XPO6: variants seen among roughly 807,000 people sequenced by gnomAD.
XPO6 encodes the protein exportin-6.
Under a neutral mutation model 130.0 loss-of-function variants are expected in XPO6, and 3 were observed. The observed-to-expected ratio is 0.02, with a 90% CI of 0.01 to 0.06. The LOEUF is 0.06. Among genes scored for constraint, XPO6 ranks in the 10% least tolerant of loss-of-function variants. The probability of loss-of-function intolerance (pLI) is 1.00; values close to 1 mark genes in which losing one functional copy is unlikely to be tolerated. For missense variants in XPO6, 970 were observed against 1,393.0 expected (o/e 0.70, Z 4.83); for synonymous variants, 524 against 548.9 (o/e 0.95, Z 0.63).
At chr16:28,117,136 G>T (rs1334814998) in intron 15 of XPO6, 182 bp downstream of exon 15, 2 of 724,030 alleles carry the variant, frequency 2.8e-6, no homozygotes, top group Non-Finnish European at 4.3e-6. Context: ...AAAAAGTAAA[G>T]TTGTATCTGA....
intron 12 of XPO6, among the ~76,000 whole-genome samples, chr16:28,130,325 G>A (rs1052959512): frequency 2.6e-5 from 4 of 152,226 alleles, no homozygotes; most frequent in African/African-American, 9.6e-5. Flanking sequence ...AGAACTAAAG[G>A]CTGGGCTAGA....
At chr16:28,178,199 T>G (rs2043561686) in intron 2 of XPO6, among the ~76,000 whole-genome samples, 1 of 152,140 alleles carries the variant, frequency 6.6e-6, no homozygotes, top group Admixed American at 6.5e-5. Flanking sequence ...CACAGCAGCT[T>G]CTTCTAATCC....
intron 3 of XPO6, 66 bp downstream of exon 3, chr16:28,177,148 TCTAGTG>T: frequency 1.0e-6 from 1 of 985,616 alleles, no homozygotes; most frequent in Non-Finnish European, 1.5e-6. Flanking sequence ...ACAGCTCTAG[TCTAGTG>T]CTAATGATAT....
At chr16:28,116,711 A>G (rs2087069656) in intron 15 of XPO6, among the ~76,000 whole-genome samples, 1 of 152,238 alleles carries the variant, frequency 6.6e-6, no homozygotes, top group Non-Finnish European at 1.5e-5. Flanking sequence ...ACACACATTT[A>G]TCAATCAAGT....
chr16:28,101,728 A>G lies in XPO6; in HGVS notation c.3046-40T>C, dbSNP rs1215893051. ...ACCAGGTGAGCAGCAGCCAGCCCCC[A>G]GGGGCCTGTCCCGGGTCCCATCCAC... is the stretch of plus-strand genomic sequence containing the variant. On this transcript the variant is annotated intron_variant, in intron 22 of 23. Coordinates refer to ENST00000304658, the MANE Select transcript of XPO6 (RefSeq NM_015171.4). This position sits in a 1 kb window ranked among gnomAD's most constrained non-coding sequence, Gnocchi z 5.4. 3.8e-6 allele frequency: 6 copies of G among 1,590,602 alleles called. No homozygotes were observed. Among genetic ancestry groups the G allele is most frequent in the Non-Finnish European group, 5.2e-6 (6 of 1,164,970 alleles).
chr16:28,121,524 ATCTC>A lies in XPO6; in HGVS notation c.1859+142_1859+145del, dbSNP rs1240113655. The A allele has an allele frequency of 1.3e-5, 9 of 694,184 alleles. No homozygotes were observed. The Middle Eastern group carries it at 1.3e-3, about 101-fold the overall frequency. 43.0% of individuals were successfully genotyped at this position (694,184 alleles called of 1,614,324 possible). A position where few individuals can be genotyped will look rare whatever the true frequency, so the allele number is the denominator to read the frequency against. ...CTGCCCCAGACATATAGTCAAAAAAATCTCTCTCTCTTTCTAGGTTTGCAGTTTA... is the reference window on the plus strand; with the variant it reads ...CTGCCCCAGACATATAGTCAAAAAAATCTCTCTTTCTAGGTTTGCAGTTTA... On this transcript the variant is annotated intron_variant, in intron 14 of 23. Coordinates refer to ENST00000304658, the MANE Select transcript of XPO6 (RefSeq NM_015171.4).
At position 28,132,449 on chromosome 16, in the gene XPO6, G is replaced by A. The variant is rs764928818; in HGVS notation, c.1537-46C>T. 8 of 1,369,700 alleles carry A rather than the reference G, an allele frequency of 5.8e-6. No individual in the cohort carries two copies. The highest frequency in any genetic ancestry group is 6.1e-6 in the Non-Finnish European group (6 of 980,154). 84.8% of individuals were successfully genotyped at this position (1,369,700 alleles called of 1,614,324 possible). On this transcript the variant is annotated intron_variant, in intron 11 of 23. Transcript: ENST00000304658. This position sits in a 1 kb window ranked among gnomAD's most constrained non-coding sequence, Gnocchi z 4.0. ...ACAACAAAAATTTTAAGCCATAAAT[G>A]CAAGTTTTAATAGCATTTTAACATT... is the stretch of plus-strand genomic sequence containing the variant.
chr16:28,184,485 G>A (rs1003405438), intron 1 of XPO6, among the ~76,000 whole-genome samples: 1 of 151,806 alleles, frequency 6.6e-6, no homozygotes, highest in African/African-American at 2.4e-5. Flanking sequence ...AAGTTGAAAT[G>A]TTCATCAGAT....
chr16:28,186,374 C>CTTTTTTTT (rs60754642), intron 1 of XPO6, among the ~76,000 whole-genome samples: 3,453 of 81,288 alleles, frequency 0.042, 778 homozygotes, highest in East Asian at 0.16. Context: ...CCCAGTTATT[C>CTTTTTTTT]TTTTTTTTTT....
intron 1 of XPO6, among the ~76,000 whole-genome samples, chr16:28,194,370 T>A (rs895172507): frequency 1.3e-5 from 2 of 152,192 alleles, no homozygotes; most frequent in African/African-American, 2.4e-5. Flanking sequence ...AATGTAAGAA[T>A]GAAAACGTGT....
At position 28,112,017 on chromosome 16, in the gene XPO6, C is replaced by T. The variant is rs765865185; in HGVS notation, c.2152-11G>A. On this transcript the variant is annotated splice_polypyrimidine_tract_variant and intron_variant, in intron 16 of 23. Transcript: ENST00000304658. ...CACCAACACCTGGGCCTACAAGAGA[C>T]CCCAAAGGCATCCATCAGAGGTCAG... 2 of 1,605,940 alleles carry T rather than the reference C, an allele frequency of 1.2e-6. No individual in the cohort carries two copies. Among genetic ancestry groups the T allele is most frequent in the Admixed American group, 1.7e-5 (1 of 58,798 alleles).
In XPO6 at chr16:28,207,001, C is replaced by T. The variant is rs145965605; in HGVS notation, c.3+4365G>A. Among the ~76,000 whole-genome samples the T allele has an allele frequency of 5.2e-3, 792 of 152,248 alleles. 4 individuals are homozygous for T. Among genetic ancestry groups the T allele is most frequent in the African/African-American group, 0.018 (749 of 41,534 alleles). On this transcript the variant is annotated intron_variant, in intron 1 of 23. Transcript: ENST00000304658. ...GTGGCTCCCACCTGTAATCCTAGCA[C>T]TTTGGGAGGCCAAGGTGGGCAGATC...
In XPO6 at chr16:28,113,564, T is replaced by C. The variant is rs550097951; in HGVS notation, c.2005-514A>G. Among the ~76,000 whole-genome samples the C allele has an allele frequency of 2.0e-5, 3 of 152,340 alleles. No homozygotes were observed. The East Asian group carries it at 5.8e-4, about 29-fold the overall frequency. On this transcript the variant is annotated intron_variant, in intron 15 of 23. Transcript: ENST00000304658. ...GCAAAGGAGAAAAACGTGTTACAGA[T>C]GGGACCTAATGCTGGTAAGACTAAG... is the stretch of plus-strand genomic sequence containing the variant.
chr16:28,130,675 C>T (rs1056006940), intron 12 of XPO6, among the ~76,000 whole-genome samples: 4 of 152,066 alleles, frequency 2.6e-5, no homozygotes, highest in Non-Finnish European at 4.4e-5. Flanking sequence ...ATAAATGATC[C>T]GGACGAGCCG....
chr16:28,139,957 C>G (rs145638400), intron 9 of XPO6, among the ~76,000 whole-genome samples: 1 of 152,188 alleles, frequency 6.6e-6, no homozygotes, highest in Non-Finnish European at 1.5e-5. Flanking sequence ...ACAGGCTGGG[C>G]GCAGTGGCTC....
rs529278894 is a variant in XPO6, at chr16:28,146,882, A to G, written c.1225-679T>C. Among the ~76,000 whole-genome samples the G allele has an allele frequency of 1.7e-3, 262 of 152,322 alleles. 11 individuals are homozygous for G. In the South Asian group the frequency reaches 0.053, roughly 31 times the overall value. On this transcript the variant is annotated intron_variant, in intron 8 of 23. Coordinates refer to ENST00000304658, the MANE Select transcript of XPO6 (RefSeq NM_015171.4). ...GGATCCTAGTAGTACAATGAAGACC[A>G]CTGCACTAGTTAACTTTCTCAAGGG...
At chr16:28,170,773 T>C (rs2043436265) in intron 4 of XPO6, among the ~76,000 whole-genome samples, 1 of 152,232 alleles carries the variant, frequency 6.6e-6, no homozygotes, top group African/African-American at 2.4e-5. Context: ...GCAAATTAAG[T>C]TGCTGTTTCT....
At chr16:28,197,445 C>A (rs1410475997) in intron 1 of XPO6, among the ~76,000 whole-genome samples, 1 of 152,070 alleles carries the variant, frequency 6.6e-6, no homozygotes, top group Non-Finnish European at 1.5e-5. Context: ...AAGTTTCCTA[C>A]ATAGACACAC....
At chr16:28,118,286 T>C (rs2087124116) in intron 14 of XPO6, among the ~76,000 whole-genome samples, 1 of 152,154 alleles carries the variant, frequency 6.6e-6, no homozygotes. Context: ...TTTCTCCTCA[T>C]TAGTTGGCAG....
Sources: allele counts gnomAD v4.1 joint callset (sites outside exome capture counted in the v4.1 genomes callset), GRCh38; gene constraint gnomAD v4.1.1; non-coding constraint Gnocchi (gnomAD v3.1); transcripts MANE v1.5; gene names NCBI Gene and HGNC (gene_info 2026-07-23, HGNC 2026-07-21).